DOCK5: variants seen among roughly 807,000 people sequenced by gnomAD.
DOCK5 encodes dedicator of cytokinesis 5, also known as dedicator of cytokinesis protein 5.
A neutral mutation model predicts 251.8 loss-of-function variants in DOCK5; 142 were observed. The ratio of observed to expected loss-of-function variants is 0.56; its 90% CI spans 0.49 to 0.65. DOCK5 has a LOEUF of 0.65. Among genes scored for constraint, DOCK5 ranks in the 30% least tolerant of loss-of-function variants. DOCK5 has a pLI of 0.00. For synonymous variants in DOCK5, 842 were observed against 835.5 expected (o/e 1.01, Z -0.13); for missense variants, 2,111 against 2,312.3 (o/e 0.91, Z 1.79).
intron 27 of DOCK5, among the ~76,000 whole-genome samples, chr8:25,354,042 A>C (rs1800519386): frequency 8.7e-6 from 1 of 114,964 alleles, no homozygotes; most frequent in African/African-American, 3.1e-5. Context: ...AAAAAAAAAA[A>C]AAAAAACAAA....
At chr8:25,255,039 G>C (rs964602902) in intron 2 of DOCK5, among the ~76,000 whole-genome samples, 1 of 152,242 alleles carries the variant, frequency 6.6e-6, no homozygotes, top group African/African-American at 2.4e-5. Context: ...CCAAACTCCA[G>C]AATACTGACA....
At chr8:25,405,259 A>C (rs978221555) in intron 48 of DOCK5, among the ~76,000 whole-genome samples, 3 of 151,992 alleles carry the variant, frequency 2.0e-5, no homozygotes, top group Non-Finnish European at 2.9e-5. Context: ...TAAGATAACA[A>C]AAAAGGTACT....
At chr8:25,312,070 A>G (rs1024861282) in intron 13 of DOCK5, among the ~76,000 whole-genome samples, 3 of 152,212 alleles carry the variant, frequency 2.0e-5, no homozygotes, top group Non-Finnish European at 4.4e-5. Context: ...AATGAATAAA[A>G]ATGTTATAAA....
chr8:25,185,457 C>T (rs942852364), intron 1 of DOCK5, among the ~76,000 whole-genome samples: 13 of 152,168 alleles, frequency 8.5e-5, no homozygotes, highest in African/African-American at 3.1e-4. Flanking sequence ...GCCCCCTTTC[C>T]TCCAGAGACT....
intron 18 of DOCK5, among the ~76,000 whole-genome samples, chr8:25,330,658 A>G (rs1346502665): frequency 6.6e-6 from 1 of 152,172 alleles, no homozygotes; most frequent in Non-Finnish European, 1.5e-5. Context: ...AGGAATCCCT[A>G]GGCACTAGGT....
At chr8:25,292,304 C>A in intron 6 of DOCK5, 132 bp downstream of exon 6, 1 of 1,089,170 alleles carries the variant, frequency 9.2e-7, no homozygotes, top group Non-Finnish European at 1.3e-6. Context: ...CTCATTTTGT[C>A]TTTGAAGACA....
intron 1 of DOCK5, among the ~76,000 whole-genome samples, chr8:25,228,912 GTTC>G (rs1447087891): frequency 6.6e-6 from 1 of 151,112 alleles, no homozygotes; most frequent in African/African-American, 2.4e-5. Context: ...TATTTTCTTG[GTTC>G]TTCTTTCAAT....
intron 25 of DOCK5, among the ~76,000 whole-genome samples, chr8:25,344,447 CGTT>C (rs2117237407): frequency 6.6e-6 from 1 of 152,284 alleles, no homozygotes; most frequent in African/African-American, 2.4e-5. Context: ...GACTCCTCAA[CGTT>C]AAACAAGTTG....
chr8:25,380,600 G>A (rs953574092), intron 39 of DOCK5, among the ~76,000 whole-genome samples: 1 of 152,196 alleles, frequency 6.6e-6, no homozygotes, highest in Non-Finnish European at 1.5e-5. Context: ...GAAGGTTCAG[G>A]ACATCTCTGG....
chr8:25,360,408 C>T (rs769312201), intron 28 of DOCK5, among the ~76,000 whole-genome samples: 16 of 151,846 alleles, frequency 1.1e-4, no homozygotes, highest in Admixed American at 6.6e-5. Flanking sequence ...GGAGACCAGG[C>T]GCAAGAGGCC....
intron 13 of DOCK5, among the ~76,000 whole-genome samples, chr8:25,316,125 A>G (rs1805244211): frequency 1.3e-5 from 2 of 152,208 alleles, no homozygotes; most frequent in African/African-American, 4.8e-5. Flanking sequence ...ACAAAAAAGA[A>G]AAAGAGCAGC....
chr8:25,322,819 A>G (rs1461289453), intron 16 of DOCK5, among the ~76,000 whole-genome samples: 3 of 152,200 alleles, frequency 2.0e-5, no homozygotes, highest in Non-Finnish European at 4.4e-5. Context: ...CCGGATCATG[A>G]AGGCTGAAGA....
chr8:25,230,672 G>A (rs1442640573), intron 1 of DOCK5, among the ~76,000 whole-genome samples: 2 of 151,860 alleles, frequency 1.3e-5, no homozygotes, highest in Non-Finnish European at 2.9e-5. Context: ...CCAACATGGT[G>A]AAACCTTGTC....
chr8:25,371,299 C>T (rs4434630), intron 34 of DOCK5, among the ~76,000 whole-genome samples: 2 of 151,778 alleles, frequency 1.3e-5, no homozygotes, highest in Non-Finnish European at 2.9e-5. Flanking sequence ...ATCCACCTGC[C>T]TCGGCCTCCC....
chr8:25,186,349 C>CTT (rs778162063), intron 1 of DOCK5, among the ~76,000 whole-genome samples: 66 of 124,794 alleles, frequency 5.3e-4, no homozygotes, highest in African/African-American at 1.1e-3. Context: ...CCTCAGGGCT[C>CTT]TTTTTTTTTT....
At chr8:25,350,033 A>G (rs897128914) in intron 26 of DOCK5, among the ~76,000 whole-genome samples, 2 of 152,164 alleles carry the variant, frequency 1.3e-5, no homozygotes, top group Non-Finnish European at 2.9e-5. Context: ...CAGGGGCAGG[A>G]TGGGGAGATG....
chr8:25,384,421 A>G (rs946380730), intron 40 of DOCK5, among the ~76,000 whole-genome samples: 28 of 143,292 alleles, frequency 2.0e-4, no homozygotes, highest in African/African-American at 7.2e-4. Context: ...ATTATGTCTT[A>G]ATATTATTAT....
intron 15 of DOCK5, 105 bp downstream of exon 15, chr8:25,319,781 A>G (rs1805371476): frequency 5.2e-6 from 4 of 767,382 alleles, no homozygotes; most frequent in Non-Finnish European, 8.4e-6. Context: ...AAATTTTTAG[A>G]TAAGTTGCCT....
intron 22 of DOCK5, among the ~76,000 whole-genome samples, chr8:25,340,196 A>G (rs1805918814): frequency 1.3e-5 from 2 of 152,238 alleles, no homozygotes; most frequent in African/African-American, 4.8e-5. Flanking sequence ...CATTGCAAAT[A>G]AAGTTCTTTT....
Sources: gnomAD v4.1 joint callset for allele counts (sites outside exome capture counted in the v4.1 genomes callset) on GRCh38, gnomAD v4.1.1 for gene constraint, MANE v1.5 for transcripts, NCBI Gene and HGNC (gene_info 2026-07-23, HGNC 2026-07-21) for gene names.